Variants in CTSZ observed in about 807,000 individuals in gnomAD.
The protein encoded by CTSZ is carboxypeptidase LB.
CTSZ carries 39 observed loss-of-function variants against 32.4 expected under a neutral mutation model. That is an observed-to-expected ratio of 1.20 (90% CI 0.93 to 1.57). The LOEUF is 1.57. Ranked by LOEUF, CTSZ falls within the 40% of genes most tolerant of loss-of-function variation. The probability of loss-of-function intolerance (pLI) is 0.00; values close to 1 mark genes in which losing one functional copy is unlikely to be tolerated. For missense variants in CTSZ, 397 were observed against 419.6 expected (o/e 0.95, Z 0.47); for synonymous variants, 168 against 170.1 (o/e 0.99, Z 0.10).
intron 3 of CTSZ, among the ~76,000 whole-genome samples, chr20:59,000,828 ATT>A (rs575057726): frequency 0.18 from 23,986 of 132,920 alleles, 1,707 homozygotes; most frequent in Middle Eastern, 0.28. Flanking sequence ...CAGGGCCGGT[ATT>A]TTTTTTTTTT....
At position 59,001,550 on chromosome 20, in the gene CTSZ, C is replaced by G. The variant is rs767751531; in HGVS notation, c.402G>C (p.Gly134=). The change falls in exon 3 of 6, where the codon GGG becomes GGC. Residue 134 remains glycine, a synonymous_variant. Transcript: ENST00000217131. The part of the protein sequence containing the change: ...IDCGNAGSCE[G]GNDLSVWDYA... Reference sequence around the variant, plus strand: ...AGTCCCACACGGACAGGTCATTACCCCCTTCACAGGAGCCAGCGTTACCGC... The same window carrying G: ...AGTCCCACACGGACAGGTCATTACCGCCTTCACAGGAGCCAGCGTTACCGC... 15 of 1,614,106 alleles carry G rather than the reference C, an allele frequency of 9.3e-6. No homozygotes were observed. The highest frequency in any genetic ancestry group is 1.3e-5 in the Non-Finnish European group (15 of 1,180,032).
intron 2 of CTSZ, 31 bp downstream of exon 2, chr20:59,006,291 C>T: frequency 6.4e-7 from 1 of 1,566,026 alleles, no homozygotes; most frequent in Non-Finnish European, 8.7e-7. Context: ...GATGGGCTTT[C>T]CTGGCCCACA....
rs775323746 is a variant in CTSZ at position 58,997,707 on chromosome 20, C to T, written c.534G>A (p.Glu178=). 6.2e-7 allele frequency: 1 copy of T among 1,609,522 alleles called. No homozygotes were observed. The highest frequency in any genetic ancestry group is 1.3e-5 in the African/African-American group (1 of 74,792). Residue 178 remains glutamate (E), a synonymous_variant, in exon 4 of 6, where the codon GAG becomes GAA. Coordinates refer to ENST00000217131, the MANE Select transcript of CTSZ (RefSeq NM_001336.4). Reference sequence around the variant, plus strand: ...GGGTGTAGTTCCGGATGGCGTGGCACTCTTTGAATTCATTGCATGTCCCAC... The same window carrying T: ...GGGTGTAGTTCCGGATGGCGTGGCATTCTTTGAATTCATTGCATGTCCCAC... The part of the protein sequence containing the change: ...NQCGTCNEFK[E]CHAIRNYTLW...
chr20:59,003,599 G>A (rs2091898242), intron 2 of CTSZ, among the ~76,000 whole-genome samples: 1 of 152,188 alleles, frequency 6.6e-6, no homozygotes, highest in Middle Eastern at 3.2e-3. Context: ...AAAGTCTACA[G>A]CACCATGAAG....
chr20:59,006,840 A>C, intron 1 of CTSZ, 146 bp downstream of exon 1: 1 of 709,718 alleles, frequency 1.4e-6, no homozygotes. Context: ...GATGTGGAAG[A>C]GAAGGAGCGA....
intron 3 of CTSZ, among the ~76,000 whole-genome samples, chr20:59,001,123 GCA>G (rs111969199): frequency 2.0e-5 from 3 of 152,072 alleles, no homozygotes; most frequent in Admixed American, 6.6e-5. Flanking sequence ...GCCACCGCGC[GCA>G]TGGCCAAGGA....
intron 3 of CTSZ, among the ~76,000 whole-genome samples, chr20:59,000,080 A>C (rs1601225196): frequency 9.4e-5 from 2 of 21,202 alleles, no homozygotes; most frequent in Non-Finnish European, 1.2e-4. Context: ...AAAAAAAAAA[A>C]CAAACTACCA....
chr20:59,001,644 T>C lies in CTSZ; in HGVS notation c.308A>G (p.Asp103Gly). The change falls in exon 3 of 6, where the codon GAT becomes GGT. Residue 103 changes from aspartate to glycine, a missense_variant and splice_region_variant. Coordinates refer to ENST00000217131, the MANE Select transcript of CTSZ (RefSeq NM_001336.4). Reference sequence around the variant, plus strand: ...TCCCTTCCTCTTGATGTTGATCCGATCTGCAACAGTCAGCACCTGCCAGTC... The same window carrying C: ...TCCCTTCCTCTTGATGTTGATCCGACCTGCAACAGTCAGCACCTGCCAGTC... ...WAHASTSAMADRINIKRKGAW... is the reference protein window; with the variant it reads ...WAHASTSAMAGRINIKRKGAW... 1 of 1,612,460 alleles carries C rather than the reference T, an allele frequency of 6.2e-7. No homozygotes were observed. Among genetic ancestry groups the C allele is most frequent in the Non-Finnish European group, 8.5e-7 (1 of 1,178,896 alleles).
chr20:59,000,523 A>G (rs1486302727), intron 3 of CTSZ, among the ~76,000 whole-genome samples: 1 of 152,194 alleles, frequency 6.6e-6, no homozygotes, highest in Non-Finnish European at 1.5e-5. Context: ...GCTCATCCAC[A>G]CAGCACCCCC....
chr20:59,001,616 C>G lies in CTSZ; in HGVS notation c.336G>C (p.Ala112=). ...GCACGGACAGGAGGGTGGAGGGCCA[C>G]GCTCCCTTCCTCTTGATGTTGATCC... The part of the protein sequence containing the change: ...ADRINIKRKG[A]WPSTLLSVQN... Residue 112 remains alanine, a synonymous_variant, in exon 3 of 6, where the codon GCG becomes GCC. Transcript: ENST00000217131. 6.2e-7 allele frequency: 1 copy of G among 1,614,066 alleles called. No individual in the cohort carries two copies. The highest frequency in any genetic ancestry group is 1.3e-5 in the African/African-American group (1 of 75,054).
In CTSZ at chr20:59,002,589, A is replaced by G. The variant is rs111630627; in HGVS notation, c.308-945T>C. On this transcript the variant is annotated intron_variant, in intron 2 of 5. Transcript: ENST00000217131. This position sits in a 1 kb window ranked among gnomAD's most constrained non-coding sequence, Gnocchi z 4.1. ...CTTGTCACCTTCCAGACTCTCCCAC[A>G]CTGCCCCACAGTCCGCTCCTCCACC... Among the ~76,000 whole-genome samples the G allele has an allele frequency of 0.021, 3,110 of 151,384 alleles. 98 individuals carry two copies. The highest frequency in any genetic ancestry group is 0.07 in the African/African-American group (2,888 of 41,170).
At chr20:58,999,860 G>A (rs1366126570) in intron 3 of CTSZ, among the ~76,000 whole-genome samples, 1 of 152,122 alleles carries the variant, frequency 6.6e-6, no homozygotes, top group African/African-American at 2.4e-5. Flanking sequence ...ACGAGGTCAG[G>A]AGATCAAGAC....
In CTSZ at chr20:59,006,343, C is replaced by T. The variant is rs368487798; in HGVS notation, c.286G>A (p.Ala96Thr). 5.6e-6 allele frequency: 9 copies of T among 1,611,996 alleles called. No homozygotes were observed. The Middle Eastern group carries it at 4.9e-4, about 89-fold the overall frequency. The change falls in exon 2 of 6, where the codon GCC (alanine) becomes ACC (threonine). Residue 96 changes from alanine (A) to threonine (T), a missense_variant. Physicochemically the swap from Ala to Thr is moderately conservative, Grantham distance 58. Coordinates refer to ENST00000217131, the MANE Select transcript of CTSZ (RefSeq NM_001336.4). ...PQYCGSCWAHASTSAMADRIN... is the reference protein window; with the variant it reads ...PQYCGSCWAHTSTSAMADRIN... Reference sequence around the variant, plus strand: ...TCACCCGCCATAGCGCTGGTGCTGGCGTGGGCCCAGCAGGAGCCGCAGTAT... The same window carrying T: ...TCACCCGCCATAGCGCTGGTGCTGGTGTGGGCCCAGCAGGAGCCGCAGTAT...
At chr20:59,005,021 CA>C in intron 2 of CTSZ, among the ~76,000 whole-genome samples, 1 of 152,084 alleles carries the variant, frequency 6.6e-6, no homozygotes, top group African/African-American at 2.4e-5. Context: ...ATTCTCCCCT[CA>C]CCCTCACCCC....
intron 5 of CTSZ, 82 bp from the exon 6 acceptor site, chr20:58,995,841 T>G (rs1013036420): frequency 1.6e-6 from 2 of 1,268,490 alleles, no homozygotes; most frequent in African/African-American, 2.9e-5. Flanking sequence ...TGCCCCCTGC[T>G]TTCTGCCTCC....
intron 3 of CTSZ, among the ~76,000 whole-genome samples, chr20:58,999,143 C>T (rs1331403903): frequency 2.6e-5 from 4 of 152,052 alleles, no homozygotes; most frequent in African/African-American, 9.7e-5. Flanking sequence ...TCAAGTGATT[C>T]TCCTGCCTTA....
Position 59,002,948 on chromosome 20 carries a change from C to T in CTSZ, c.308-1304G>A, listed in dbSNP as rs1411492975. ...TCACAACAACAGAGGAAGCCCCCGG[C>T]CCCTCCCACTCACTATCACGGTTTT... On this transcript the variant is annotated intron_variant, in intron 2 of 5. Transcript: ENST00000217131. This position sits in a 1 kb window ranked among gnomAD's most constrained non-coding sequence, Gnocchi z 4.1. Among the ~76,000 whole-genome samples, 1 of 152,192 alleles carries T rather than the reference C, an allele frequency of 6.6e-6. No homozygotes were observed. Among genetic ancestry groups the T allele is most frequent in the Admixed American group, 6.5e-5 (1 of 15,288 alleles).
intron 1 of CTSZ, 134 bp downstream of exon 1, chr20:59,006,852 C>T: frequency 2.6e-6 from 2 of 770,304 alleles, no homozygotes; most frequent in Non-Finnish European, 3.7e-6. Flanking sequence ...AAGGAGCGAC[C>T]CCCAAAACGA....
Position 59,007,149 on chromosome 20 carries a change from GTCCCGCTCCGGA to G in CTSZ, c.-33_-22del, listed in dbSNP as rs772812232. On this transcript the variant is annotated 5_prime_UTR_variant, in exon 1 of 6. Transcript: ENST00000217131. ...GCCATGGCCCCGCGCCGGCTCCTGG[GTCCCGCTCCGGA>G]TCCCGCTCCGAGTCCCAGATCCCGC... The G allele has an allele frequency of 7.5e-7, 1 of 1,326,506 alleles. No individual in the cohort carries two copies. Among genetic ancestry groups the G allele is most frequent in the Non-Finnish European group, 9.6e-7 (1 of 1,046,654 alleles). 82.2% of individuals were successfully genotyped at this position (1,326,506 alleles called of 1,614,324 possible). A position where few individuals can be genotyped will look rare whatever the true frequency, so the allele number is the denominator to read the frequency against.
Sources: gnomAD v4.1 joint callset for allele counts (sites outside exome capture counted in the v4.1 genomes callset) on GRCh38, gnomAD v4.1.1 for gene constraint, Gnocchi (gnomAD v3.1) non-coding constraint, MANE v1.5 for transcripts, NCBI Gene and HGNC (gene_info 2026-07-23, HGNC 2026-07-21) for gene names.